The following NBAS variants were observed in gnomAD, a reference collection of about 807,000 sequenced individuals.
NBAS encodes the protein NBAS subunit of NRZ tethering complex.
NBAS carries 219 observed loss-of-function variants against 302.5 expected under a neutral mutation model. The observed-to-expected ratio is 0.72, with a 90% CI of 0.65 to 0.81. NBAS has a LOEUF of 0.81. NBAS is among the 30% of genes least tolerant of loss of function. The probability of loss-of-function intolerance (pLI) is 0.00; values close to 1 mark genes in which losing one functional copy is unlikely to be tolerated. For synonymous variants in NBAS, 1,118 were observed against 1,021.6 expected (o/e 1.09, Z -1.80); for missense variants, 2,932 against 2,841.6 (o/e 1.03, Z -0.72).
intron 29 of NBAS, among the ~76,000 whole-genome samples, chr2:15,380,308 G>A (rs1269752429): frequency 6.6e-6 from 1 of 151,006 alleles, no homozygotes; most frequent in Non-Finnish European, 1.5e-5. Context: ...TCAAACTCTT[G>A]GGCTCAAGCA....
chr2:15,541,263 A>G (rs573131225), intron 6 of NBAS, among the ~76,000 whole-genome samples: 1 of 152,294 alleles, frequency 6.6e-6, no homozygotes, highest in East Asian at 1.9e-4. Flanking sequence ...TGTCTTATTC[A>G]ACATTCTATT....
the NBAS span, among the ~76,000 whole-genome samples, chr2:14,811,092 G>A: frequency 2.6e-5 from 4 of 152,138 alleles, no homozygotes; most frequent in Non-Finnish European, 5.9e-5. Flanking sequence ...ATGATATAGG[G>A]TTTTAAACAG....
intron 4 of NBAS, 42 bp from the exon 5 acceptor site, chr2:15,553,515 A>G (rs750805510): frequency 2.0e-6 from 3 of 1,525,630 alleles, no homozygotes; most frequent in African/African-American, 2.7e-5. Context: ...TCTATTATGA[A>G]TATCTATAGC....
intron 21 of NBAS, among the ~76,000 whole-genome samples, chr2:15,439,924 C>T (rs1678263441): frequency 6.6e-6 from 1 of 152,256 alleles, no homozygotes; most frequent in Non-Finnish European, 1.5e-5. Context: ...TGTCTGAGAT[C>T]AAACCGCAAG....
chr2:15,183,440 A>C (rs1300703227), intron 50 of NBAS, among the ~76,000 whole-genome samples: 1 of 152,226 alleles, frequency 6.6e-6, no homozygotes, highest in Non-Finnish European at 1.5e-5. Flanking sequence ...CCTACTTTGC[A>C]ACGGGATTTA....
the NBAS span, among the ~76,000 whole-genome samples, chr2:15,016,037 C>CAAA: frequency 2.3e-4 from 34 of 147,592 alleles, no homozygotes; most frequent in African/African-American, 8.2e-4. Context: ...CAATAGCTAC[C>CAAA]AAAAAAAAAA....
the NBAS span, among the ~76,000 whole-genome samples, chr2:14,805,383 G>T: frequency 2.0e-5 from 3 of 152,140 alleles, no homozygotes; most frequent in African/African-American, 7.2e-5. Flanking sequence ...GAGGAAAACC[G>T]GCAAGATCAT....
the NBAS span, among the ~76,000 whole-genome samples, chr2:15,013,670 T>G: frequency 0.35 from 53,168 of 151,806 alleles, 9,966 homozygotes; most frequent in Non-Finnish European, 0.41. Context: ...TGTAATCTCA[T>G]CTACTCAGGA....
chr2:15,326,472 A>C (rs1424847481), intron 38 of NBAS, among the ~76,000 whole-genome samples: 1 of 152,208 alleles, frequency 6.6e-6, no homozygotes, highest in Non-Finnish European at 1.5e-5. Context: ...AAGGTCTCAG[A>C]TTCTATCTGT....
intron 35 of NBAS, among the ~76,000 whole-genome samples, chr2:15,351,087 T>G (rs1458984820): frequency 6.6e-6 from 1 of 152,072 alleles, no homozygotes. Flanking sequence ...CAAACCAAGG[T>G]CAATCAGTGT....
the NBAS span, among the ~76,000 whole-genome samples, chr2:15,039,019 AGG>A: frequency 6.6e-6 from 1 of 152,160 alleles, no homozygotes; most frequent in Non-Finnish European, 1.5e-5. Flanking sequence ...CCAAAACCCT[AGG>A]AATAAATATT....
chr2:15,323,437 G>C (rs1671913501), intron 38 of NBAS, among the ~76,000 whole-genome samples: 2 of 152,204 alleles, frequency 1.3e-5, no homozygotes, highest in Admixed American at 1.3e-4. Flanking sequence ...GAAGCTCAGA[G>C]AGTTAAGTCT....
At chr2:15,087,256 ACC>A in the NBAS span, among the ~76,000 whole-genome samples, 27 of 127,972 alleles carry the variant, frequency 2.1e-4, no homozygotes, top group African/African-American at 8.4e-4. Context: ...ACACACACAC[ACC>A]CCATATTGGT....
At chr2:15,287,617 C>T (rs1159581267) in intron 41 of NBAS, among the ~76,000 whole-genome samples, 1 of 151,602 alleles carries the variant, frequency 6.6e-6, no homozygotes, top group South Asian at 2.1e-4. Flanking sequence ...GTAGGCATCC[C>T]GAGCACCCAT....
chr2:14,803,212 A>G, the NBAS span, among the ~76,000 whole-genome samples: 1 of 152,200 alleles, frequency 6.6e-6, no homozygotes, highest in Non-Finnish European at 1.5e-5. Flanking sequence ...GCCTCTAGCT[A>G]GAAAGAATAA....
intron 21 of NBAS, among the ~76,000 whole-genome samples, chr2:15,439,164 G>A (rs998780624): frequency 6.6e-6 from 1 of 151,900 alleles, no homozygotes; most frequent in African/African-American, 2.4e-5. Flanking sequence ...TTAGCCGGGT[G>A]CAGTGGCAGG....
the NBAS span, among the ~76,000 whole-genome samples, chr2:15,144,263 C>G: frequency 6.6e-6 from 1 of 151,818 alleles, no homozygotes. Flanking sequence ...CCGAGTATGG[C>G]TGCCTTGGCA....
At chr2:15,480,485 GAGGTATAGAT>G (rs1285688892) in intron 12 of NBAS, among the ~76,000 whole-genome samples, 1 of 152,110 alleles carries the variant, frequency 6.6e-6, no homozygotes, top group East Asian at 1.9e-4. Context: ...TACACAAAGA[GAGGTATAGAT>G]AAAAGGTATA....
chr2:15,538,281 TA>T, intron 7 of NBAS: 1 of 390,888 alleles, frequency 2.6e-6, no homozygotes, highest in Non-Finnish European at 5.1e-6. Flanking sequence ...TAGCCAGAAA[TA>T]GTCTAGAAAA....
Sources: gnomAD v4.1 joint callset for allele counts (sites outside exome capture counted in the v4.1 genomes callset) on GRCh38, gnomAD v4.1.1 for gene constraint, MANE v1.5 for transcripts, NCBI Gene and HGNC (gene_info 2026-07-23, HGNC 2026-07-21) for gene names.